Variants in TRIM3 observed in about 807,000 individuals in gnomAD.
TRIM3 encodes tripartite motif-containing protein 3.
A neutral mutation model predicts 66.6 loss-of-function variants in TRIM3; 13 were observed. The ratio of observed to expected loss-of-function variants is 0.20; its 90% CI spans 0.13 to 0.31. The LOEUF (loss-of-function observed/expected upper bound fraction) is 0.31. TRIM3 is among the 10% of genes least tolerant of loss of function. TRIM3 has a pLI of 1.00. For missense variants in TRIM3, 711 were observed against 1,020.4 expected (o/e 0.70, Z 4.13); for synonymous variants, 406 against 411.7 (o/e 0.99, Z 0.17).
intron 1 of TRIM3, among the ~76,000 whole-genome samples, chr11:6,468,523 C>G (rs1850557221): frequency 6.6e-6 from 1 of 152,014 alleles, no homozygotes. Context: ...AGAAAGAGAA[C>G]CCAGAGAAAT....
chr11:6,454,768 A>T (rs1849893993), intron 7 of TRIM3, among the ~76,000 whole-genome samples: 1 of 152,118 alleles, frequency 6.6e-6, no homozygotes, highest in African/African-American at 2.4e-5. Flanking sequence ...TTGCACTTTT[A>T]GACTGTTAGG....
rs371742245 is a variant in TRIM3 at position 6,457,500 on chromosome 11, A to G, written c.516-24T>C. ...ATCTGGAGGGGGAATATCTCATTCCAGAGTTGCTGAGGGTGGCTTTGCCGA... is the reference window on the plus strand; with the variant it reads ...ATCTGGAGGGGGAATATCTCATTCCGGAGTTGCTGAGGGTGGCTTTGCCGA... On this transcript the variant is annotated intron_variant, in intron 4 of 11. Coordinates refer to ENST00000345851, the MANE Select transcript of TRIM3 (RefSeq NM_033278.4). This position sits in a 1 kb window ranked among gnomAD's most constrained non-coding sequence, Gnocchi z 4.5. 1.9e-6 allele frequency: 3 copies of G among 1,606,378 alleles called. No homozygotes were observed. The highest frequency in any genetic ancestry group is 2.6e-6 in the Non-Finnish European group (3 of 1,175,768).
rs982640711 is a variant in TRIM3, at chr11:6,448,936, G to A, written c.*92C>T. Reference sequence around the variant, plus strand: ...CCCATGCCCACAGCCCACATTCAGTGCTGCCAGGTCTGGCCCACCTCCCAG... The same window carrying A: ...CCCATGCCCACAGCCCACATTCAGTACTGCCAGGTCTGGCCCACCTCCCAG... On this transcript the variant is annotated 3_prime_UTR_variant, in exon 12 of 12. Transcript: ENST00000345851. 2.0e-6 allele frequency: 3 copies of A among 1,530,242 alleles called. No individual in the cohort carries two copies. Among genetic ancestry groups the A allele is most frequent in the Admixed American group, 1.7e-5 (1 of 58,760 alleles). The allele number at this position is 1,530,242 out of a possible 1,614,324, so 94.8% of individuals were successfully genotyped here.
chr11:6,456,642 G>A lies in TRIM3; in HGVS notation c.1084C>T (p.Leu362=). Residue 362 remains leucine (L), a synonymous_variant, in exon 6 of 12, where the codon CTG becomes TTG. Transcript: ENST00000345851. This position sits in a 1 kb window ranked among gnomAD's most constrained non-coding sequence, Gnocchi z 6.4. The part of the protein sequence containing the change: ...GRLVRTGSAE[L]RAEITGPDGT... ...TCCGGGCCGGTGATCTCTGCACGCA[G>A]CTCAGCGCTGCCTGTGCGCACCAAC... is the stretch of plus-strand genomic sequence containing the variant. The A allele has an allele frequency of 6.2e-7, 1 of 1,611,954 alleles. No homozygotes were observed. Among genetic ancestry groups the A allele is most frequent in the South Asian group, 1.1e-5 (1 of 91,024 alleles).
Position 6,450,410 on chromosome 11 carries a change from C to A in TRIM3, c.1941+141G>T. 2 of 724,970 alleles carry A rather than the reference C, an allele frequency of 2.8e-6. No individual in the cohort carries two copies. The highest frequency in any genetic ancestry group is 1.7e-5 in the South Asian group (1 of 58,372). The allele number at this position is 724,970 out of a possible 1,614,324, so 44.9% of individuals were successfully genotyped here. A position where few individuals can be genotyped will look rare whatever the true frequency, so the allele number is the denominator to read the frequency against. ...TTCTAGCATACTGCCTGGGACAAAG[C>A]AGCCATGCATAAATGTGTAAATGTG... On this transcript the variant is annotated intron_variant, in intron 10 of 11. Coordinates refer to ENST00000345851, the MANE Select transcript of TRIM3 (RefSeq NM_033278.4). This position sits in a 1 kb window ranked among gnomAD's most constrained non-coding sequence, Gnocchi z 4.8.
At position 6,457,060 on chromosome 11, in the gene TRIM3, C is replaced by T. The variant is rs771375853; in HGVS notation, c.697-31G>A. On this transcript the variant is annotated intron_variant, in intron 5 of 11. Transcript: ENST00000345851. The surrounding 1 kb of genome is among the most constrained non-coding windows in gnomAD (Gnocchi z 4.5). ...GAGGGGTAGGGGAGGAGTGGGTGAG[C>T]AGACTGGCACAGGGGGAGTCTCTGT... 1 of 1,564,468 alleles carries T rather than the reference C, an allele frequency of 6.4e-7. No individual in the cohort carries two copies. Among genetic ancestry groups the T allele is most frequent in the Non-Finnish European group, 8.6e-7 (1 of 1,156,374 alleles).
intron 7 of TRIM3, chr11:6,452,083 G>C (rs1279389474): frequency 6.5e-6 from 1 of 153,112 alleles, no homozygotes; most frequent in Non-Finnish European, 1.5e-5. Context: ...ATGGACTCAA[G>C]ACATATGTAG....
Position 6,449,293 on chromosome 11 carries a change from A to G in TRIM3, c.2082+13T>C, listed in dbSNP as rs547706472. On this transcript the variant is annotated intron_variant, in intron 11 of 11. Transcript: ENST00000345851. The surrounding 1 kb of genome is among the most constrained non-coding windows in gnomAD (Gnocchi z 5.3). ...GAAACCGCCCCCTCATGTCATTCCC[A>G]GGCCTTACTCACCTGGATGCGGCTG... The G allele has an allele frequency of 8.7e-6, 14 of 1,613,094 alleles. No homozygotes were observed. In the East Asian group the frequency reaches 1.8e-4, roughly 21 times the overall value.
intron 1 of TRIM3, among the ~76,000 whole-genome samples, chr11:6,466,069 T>C (rs184346980): frequency 6.6e-4 from 101 of 152,330 alleles, no homozygotes; most frequent in Admixed American, 5.4e-3. Flanking sequence ...GTTGAGTGCA[T>C]GGTACAGAGA....
rs1320181481 is a variant in TRIM3 at position 6,449,187 on chromosome 11, A to T, written c.2083-7T>A. On this transcript the variant is annotated splice_polypyrimidine_tract_variant and splice_region_variant and intron_variant, in intron 11 of 11. Transcript: ENST00000345851. The surrounding 1 kb of genome is among the most constrained non-coding windows in gnomAD (Gnocchi z 5.3). ...AGCCAGAGCTGTCGAATACCTGGGG[A>T]AGGAGTGCAGAAAGGAGGGAGAGGC... 6.2e-7 allele frequency: 1 copy of T among 1,613,628 alleles called. No individual in the cohort carries two copies. Among genetic ancestry groups the T allele is most frequent in the Non-Finnish European group, 8.5e-7 (1 of 1,179,688 alleles).
intron 1 of TRIM3, among the ~76,000 whole-genome samples, chr11:6,468,683 A>G (rs1378314193): frequency 6.6e-6 from 1 of 152,198 alleles, no homozygotes; most frequent in Non-Finnish European, 1.5e-5. Flanking sequence ...GAGTGACTGA[A>G]GAGTAAATGG....
chr11:6,473,729 C>G (rs1850805229), intron 1 of TRIM3, 62 bp downstream of exon 1: 1 of 152,396 alleles, frequency 6.6e-6, no homozygotes, highest in African/African-American at 2.4e-5. Context: ...ACAGACGCTC[C>G]GACCCAGACC....
chr11:6,472,522 C>CTGCTTT (rs1185945062), intron 1 of TRIM3, among the ~76,000 whole-genome samples: 1 of 146,112 alleles, frequency 6.8e-6, no homozygotes, highest in African/African-American at 2.5e-5. Context: ...TATGGTTTTT[C>CTGCTTT]TGCTTTTCTG....
rs778245109 is a variant in TRIM3 at position 6,450,597 on chromosome 11, T to C, written c.1895A>G (p.Asn632Ser). ...GTCCGTTACTACAATTTCATTCTTGTTGTTCACAGCCACAAAATGGGGCCC... is the reference window on the plus strand; with the variant it reads ...GTCCGTTACTACAATTTCATTCTTGCTGTTCACAGCCACAAAATGGGGCCC... The part of the protein sequence containing the change: ...FAGPHFVAVN[N>S]KNEIVVTDFH... Residue 632 changes from asparagine (N) to serine (S), a missense_variant, in exon 10 of 12, where the codon AAC becomes AGC. Physicochemically the swap from Asn to Ser is conservative, Grantham distance 46 (BLOSUM62 1). This residue lies in a region of TRIM3 where 163 missense variants were observed against 321.9 expected (regional missense o/e 0.51). Transcript: ENST00000345851. This position sits in a 1 kb window ranked among gnomAD's most constrained non-coding sequence, Gnocchi z 4.8. 1.2e-6 allele frequency: 2 copies of C among 1,614,100 alleles called. No individual in the cohort carries two copies. The highest frequency in any genetic ancestry group is 2.7e-5 in the African/African-American group (2 of 74,938).
At position 6,457,070 on chromosome 11, in the gene TRIM3, CA is replaced by C; in HGVS notation, c.697-42del. The C allele has an allele frequency of 6.4e-7, 1 of 1,557,948 alleles. No individual in the cohort carries two copies. The highest frequency in any genetic ancestry group is 8.7e-7 in the Non-Finnish European group (1 of 1,153,864). On this transcript the variant is annotated intron_variant, in intron 5 of 11. Coordinates refer to ENST00000345851, the MANE Select transcript of TRIM3 (RefSeq NM_033278.4). The surrounding 1 kb of genome is among the most constrained non-coding windows in gnomAD (Gnocchi z 4.5). The stretch of plus-strand genomic sequence containing the variant: ...GGAGGAGTGGGTGAGCAGACTGGCA[CA>C]GGGGGAGTCTCTGTGATTACTGAAG...
chr11:6,454,989 T>G lies in TRIM3; in HGVS notation c.1533+1083A>C, dbSNP rs571807555. ...AGAAACAATCCCCTATAGGATAAAATCAAAATTCCACACTCCATCTCCAAA... is the reference window on the plus strand; with the variant it reads ...AGAAACAATCCCCTATAGGATAAAAGCAAAATTCCACACTCCATCTCCAAA... On this transcript the variant is annotated intron_variant, in intron 7 of 11. Transcript: ENST00000345851. 3.9e-5 allele frequency among the ~76,000 whole-genome samples: 6 copies of G among 152,158 alleles called. No homozygotes were observed. The East Asian group carries it at 1.2e-3, about 29-fold the overall frequency.
At position 6,449,600 on chromosome 11, in the gene TRIM3, C is replaced by G; in HGVS notation, c.1942-154G>C. 1.5e-6 allele frequency: 1 copy of G among 645,550 alleles called. No homozygotes were observed. The highest frequency in any genetic ancestry group is 2.6e-6 in the Non-Finnish European group (1 of 379,392). 40.0% of individuals were successfully genotyped at this position (645,550 alleles called of 1,614,324 possible). On this transcript the variant is annotated intron_variant, in intron 10 of 11. Coordinates refer to ENST00000345851, the MANE Select transcript of TRIM3 (RefSeq NM_033278.4). This position sits in a 1 kb window ranked among gnomAD's most constrained non-coding sequence, Gnocchi z 5.3. ...TTCATAGGCTTCACATCCATGTGCCCTACTGCCTAGTAGACATCTCTTGCT... is the reference window on the plus strand; with the variant it reads ...TTCATAGGCTTCACATCCATGTGCCGTACTGCCTAGTAGACATCTCTTGCT...
intron 2 of TRIM3, among the ~76,000 whole-genome samples, chr11:6,462,746 C>T (rs1188614760): frequency 2.0e-5 from 3 of 151,966 alleles, no homozygotes; most frequent in African/African-American, 7.3e-5. Flanking sequence ...GACTTTGAAC[C>T]TTAGTTTCCT....
In TRIM3 at chr11:6,448,650, T is replaced by G; in HGVS notation, c.*378A>C. 2.2e-6 allele frequency: 1 copy of G among 456,440 alleles called. No individual in the cohort carries two copies. Among genetic ancestry groups the G allele is most frequent in the Non-Finnish European group, 3.9e-6 (1 of 254,816 alleles). 28.3% of individuals were successfully genotyped at this position (456,440 alleles called of 1,614,324 possible). A position where few individuals can be genotyped will look rare whatever the true frequency, so the allele number is the denominator to read the frequency against. On this transcript the variant is annotated 3_prime_UTR_variant, in exon 12 of 12. Coordinates refer to ENST00000345851, the MANE Select transcript of TRIM3 (RefSeq NM_033278.4). ...CATTTATTTAATATGGGGGGTGGGG[T>G]ATTGCTGTCTCTGTCAGTGTGTATA...
Sources: allele counts gnomAD v4.1 joint callset (sites outside exome capture counted in the v4.1 genomes callset), GRCh38; gene constraint gnomAD v4.1.1; regional missense constraint gnomAD v4.1.1; non-coding constraint Gnocchi (gnomAD v3.1); transcripts MANE v1.5; gene names NCBI Gene and HGNC (gene_info 2026-07-23, HGNC 2026-07-21).